TENM2: variants seen among roughly 807,000 people sequenced by gnomAD.
TENM2 encodes the protein teneurin transmembrane protein 2.
In TENM2, 52 loss-of-function variants were observed where a neutral mutation model predicts 245.2. That is an observed-to-expected ratio of 0.21 (90% CI 0.17 to 0.27). The LOEUF (loss-of-function observed/expected upper bound fraction) is 0.27. TENM2 is among the 10% of genes least tolerant of loss of function. TENM2 has a pLI of 1.00. For missense variants in TENM2, 3,046 were observed against 3,666.8 expected (o/e 0.83, Z 4.37); for synonymous variants, 1,363 against 1,438.9 (o/e 0.95, Z 1.19).
At chr5:167,007,134 A>G in the TENM2 span, among the ~76,000 whole-genome samples, 2 of 152,310 alleles carry the variant, frequency 1.3e-5, no homozygotes, top group Admixed American at 6.5e-5. The surrounding 1 kb of genome is among the most constrained non-coding windows in gnomAD (Gnocchi z 4.2). Context: ...TAAATAATGG[A>G]GATACTTGCA....
chr5:167,737,391 G>A (rs1287686856), intron 2 of TENM2, among the ~76,000 whole-genome samples: 4 of 152,170 alleles, frequency 2.6e-5, no homozygotes, highest in Non-Finnish European at 5.9e-5. Flanking sequence ...CACTGCCCCA[G>A]CCTGGGAGTC....
intron 5 of TENM2, among the ~76,000 whole-genome samples, chr5:168,026,038 G>A (rs1786594596): frequency 1.3e-5 from 2 of 152,070 alleles, no homozygotes; most frequent in Admixed American, 1.3e-4. Flanking sequence ...CAACTCTCTG[G>A]GGAAGATCAT....
chr5:168,060,715 GA>G (rs1789962394), intron 6 of TENM2, among the ~76,000 whole-genome samples: 1 of 152,168 alleles, frequency 6.6e-6, no homozygotes, highest in Admixed American at 6.5e-5. Context: ...AAATAAGAGG[GA>G]AAAACTTTAT....
intron 2 of TENM2, among the ~76,000 whole-genome samples, chr5:167,832,080 A>C (rs961226579): frequency 6.6e-6 from 1 of 152,230 alleles, no homozygotes; most frequent in Non-Finnish European, 1.5e-5. Context: ...GGCTTTCTAA[A>C]CTGAAACGAC....
intron 2 of TENM2, among the ~76,000 whole-genome samples, chr5:167,435,568 T>G (rs555067247): frequency 1.3e-5 from 2 of 152,240 alleles, no homozygotes; most frequent in South Asian, 4.1e-4. Flanking sequence ...ATCAGCAGCA[T>G]GAAAATGAAC....
At chr5:167,857,036 T>G (rs1771156811) in intron 2 of TENM2, among the ~76,000 whole-genome samples, 1 of 152,118 alleles carries the variant, frequency 6.6e-6, no homozygotes, top group Non-Finnish European at 1.5e-5. Flanking sequence ...CGCAACCACC[T>G]AGAGCAATGC....
chr5:167,109,546 G>T, the TENM2 span, among the ~76,000 whole-genome samples: 9 of 151,890 alleles, frequency 5.9e-5, no homozygotes, highest in Admixed American at 5.3e-4. Flanking sequence ...CACTTCCCAC[G>T]TTCATCCTAA....
At chr5:167,387,168 G>A (rs754803397) in intron 2 of TENM2, among the ~76,000 whole-genome samples, 41 of 152,000 alleles carry the variant, frequency 2.7e-4, no homozygotes, top group African/African-American at 7.2e-4. Context: ...TGTTTGTGTC[G>A]CCTATGATTT....
At chr5:168,207,127 A>G (rs1326587503) in intron 19 of TENM2, among the ~76,000 whole-genome samples, 1 of 152,152 alleles carries the variant, frequency 6.6e-6, no homozygotes, top group Non-Finnish European at 1.5e-5. Flanking sequence ...ATGCCACTGA[A>G]TGCCTTGTTG....
intron 6 of TENM2, among the ~76,000 whole-genome samples, chr5:168,060,872 C>T (rs1789978689): frequency 6.6e-6 from 1 of 152,174 alleles, no homozygotes; most frequent in Non-Finnish European, 1.5e-5. Context: ...TTAGGCCAGT[C>T]TTTAGCAATT....
chr5:167,417,517 C>G (rs1270878321), intron 2 of TENM2, among the ~76,000 whole-genome samples: 1 of 152,130 alleles, frequency 6.6e-6, no homozygotes, highest in African/African-American at 2.4e-5. Flanking sequence ...TGTGCTTTTT[C>G]TCTCCTCTAT....
rs143758885 is a variant in TENM2 at position 167,611,908 on chromosome 5, T to G, written c.502+236435T>G. ...ACATTTGGGACTAGGTTTTAACATA[T>G]GAATTTTGGCGAGACACATTCAGAC... On this transcript the variant is annotated intron_variant, in intron 2 of 28. Coordinates refer to ENST00000518659, the Ensembl canonical transcript of TENM2. 6.4e-4 allele frequency among the ~76,000 whole-genome samples: 97 copies of G among 152,162 alleles called. 1 individual carries two copies. Among genetic ancestry groups the G allele is most frequent in the South Asian group, 3.5e-3 (17 of 4,826 alleles).
At chr5:167,491,431 T>A (rs1768422577) in intron 2 of TENM2, among the ~76,000 whole-genome samples, 1 of 152,266 alleles carries the variant, frequency 6.6e-6, no homozygotes, top group East Asian at 1.9e-4. Flanking sequence ...ATTCTTTCCA[T>A]CTGTAACAGA....
At chr5:167,196,658 A>G in the TENM2 span, among the ~76,000 whole-genome samples, 15,555 of 151,500 alleles carry the variant, frequency 0.1, 2,682 homozygotes, top group African/African-American at 0.36. Context: ...GTTTGCGTTT[A>G]TGGATTCAAC....
intron 2 of TENM2, among the ~76,000 whole-genome samples, chr5:167,446,943 G>C (rs759752911): frequency 2.0e-5 from 3 of 151,964 alleles, no homozygotes; most frequent in Non-Finnish European, 4.4e-5. Flanking sequence ...TAGAATATTT[G>C]TATAATACCA....
chr5:167,047,551 G>A, the TENM2 span, among the ~76,000 whole-genome samples: 1 of 152,290 alleles, frequency 6.6e-6, no homozygotes, highest in East Asian at 1.9e-4. Context: ...ACTTTTATAT[G>A]TAAATCAATT....
chr5:167,495,397 C>T (rs1388004209), intron 2 of TENM2, among the ~76,000 whole-genome samples: 2 of 151,920 alleles, frequency 1.3e-5, no homozygotes, highest in Admixed American at 1.3e-4. Context: ...ACATAGTCTC[C>T]AGTCAAAAGA....
intron 2 of TENM2, among the ~76,000 whole-genome samples, chr5:167,597,049 A>G (rs1167528567): frequency 1.3e-5 from 2 of 152,054 alleles, no homozygotes; most frequent in East Asian, 1.9e-4. Context: ...TTCAGTCCTC[A>G]CACACATGGA....
intron 1 of TENM2, among the ~76,000 whole-genome samples, chr5:167,357,580 A>C (rs75081018): frequency 0.056 from 8,525 of 152,186 alleles, 620 homozygotes; most frequent in East Asian, 0.39. Context: ...TCTTAAGGAC[A>C]GTGTTTCCAC....
Sources: gnomAD v4.1 joint callset for allele counts (sites outside exome capture counted in the v4.1 genomes callset) on GRCh38, gnomAD v4.1.1 for gene constraint, Gnocchi (gnomAD v3.1) non-coding constraint, MANE v1.5 for transcripts, NCBI Gene and HGNC (gene_info 2026-07-23, HGNC 2026-07-21) for gene names.